SUMF1: variants seen among roughly 807,000 people sequenced by gnomAD.
SUMF1 encodes the protein sulfatase modifying factor 1.
In SUMF1, 48 loss-of-function variants were observed where a neutral mutation model predicts 47.6. The observed-to-expected ratio is 1.01, with a 90% confidence interval of 0.80 to 1.28. SUMF1 has a LOEUF of 1.28. Ranked by LOEUF, SUMF1 falls within the 50% of genes most tolerant of loss-of-function variation. The pLI, the probability that SUMF1 is intolerant of heterozygous loss-of-function variation, is 0.00. For missense variants in SUMF1, 571 were observed against 485.4 expected, an observed-to-expected ratio of 1.18 and a Z score of -1.66; for synonymous variants, 230 against 192.1, an observed-to-expected ratio of 1.20 and a Z score of -1.63.
chr3:4,222,535 G>T (rs1297984041), intron 8 of SUMF1, among the ~76,000 whole-genome samples: 2 of 152,004 alleles, frequency 1.3e-5, no homozygotes, highest in African/African-American at 4.8e-5. Flanking sequence ...GCTGTGTGTA[G>T]GGTTGGTTTG....
chr3:4,305,972 T>C (rs1211789630), intron 8 of SUMF1, among the ~76,000 whole-genome samples: 1 of 152,218 alleles, frequency 6.6e-6, no homozygotes, highest in Non-Finnish European at 1.5e-5. Context: ...TCAAAAACAC[T>C]GATTTAAAAA....
At chr3:4,125,003 C>G (rs1479686566) in intron 8 of SUMF1, among the ~76,000 whole-genome samples, 1 of 152,016 alleles carries the variant, frequency 6.6e-6, no homozygotes, top group Non-Finnish European at 1.5e-5. Context: ...CATTTAATTG[C>G]CTTAGGCCTA....
intron 8 of SUMF1, among the ~76,000 whole-genome samples, chr3:4,375,434 T>C (rs530905819): frequency 6.6e-6 from 1 of 152,062 alleles, no homozygotes; most frequent in Non-Finnish European, 1.5e-5. Context: ...CAAATCAGAA[T>C]GGGGGTGAGT....
At chr3:4,447,420 C>CTT (rs1012437190) in intron 3 of SUMF1, among the ~76,000 whole-genome samples, 1 of 152,126 alleles carries the variant, frequency 6.6e-6, no homozygotes, top group African/African-American at 2.4e-5. Context: ...CTAACTTAAT[C>CTT]AAGTCTTGAA....
intron 8 of SUMF1, among the ~76,000 whole-genome samples, chr3:4,343,150 T>C (rs771026570): frequency 6.6e-6 from 1 of 152,164 alleles, no homozygotes; most frequent in Non-Finnish European, 1.5e-5. Context: ...GACTATAACA[T>C]GGAGATGGGA....
At chr3:4,161,192 T>G (rs546755194) in intron 8 of SUMF1, among the ~76,000 whole-genome samples, 1 of 152,170 alleles carries the variant, frequency 6.6e-6, no homozygotes, top group Non-Finnish European at 1.5e-5. Context: ...GTCTCTCTCT[T>G]TGTGCTGTGC....
At chr3:4,093,761 TA>T (rs1692840122) in intron 8 of SUMF1, among the ~76,000 whole-genome samples, 1 of 152,196 alleles carries the variant, frequency 6.6e-6, no homozygotes, top group African/African-American at 2.4e-5. Context: ...TGACTAATTC[TA>T]AGGAAGAAGA....
intron 8 of SUMF1, among the ~76,000 whole-genome samples, chr3:4,113,122 T>C (rs1437743788): frequency 5.9e-5 from 9 of 152,084 alleles, no homozygotes; most frequent in Admixed American, 5.9e-4. Flanking sequence ...TTTTGTTGCA[T>C]GCATAGAATG....
At chr3:4,043,446 G>A (rs578028077) in intron 9 of SUMF1, among the ~76,000 whole-genome samples, 2 of 152,202 alleles carry the variant, frequency 1.3e-5, no homozygotes, top group African/African-American at 2.4e-5. Context: ...TTCACAGGCT[G>A]CCAAAAACTT....
intron 8 of SUMF1, among the ~76,000 whole-genome samples, chr3:4,230,765 C>G (rs1249980424): frequency 2.6e-5 from 4 of 152,114 alleles, no homozygotes; most frequent in Non-Finnish European, 5.9e-5. Flanking sequence ...AGCCCCCATT[C>G]TGAAGCTGTC....
intron 8 of SUMF1, among the ~76,000 whole-genome samples, chr3:4,149,437 C>T (rs1196780137): frequency 1.3e-5 from 2 of 152,110 alleles, no homozygotes; most frequent in Non-Finnish European, 2.9e-5. Flanking sequence ...CAGCCCTACT[C>T]AATCTACTCA....
At chr3:4,384,278 A>G (rs1455194269) in intron 7 of SUMF1, among the ~76,000 whole-genome samples, 1 of 152,222 alleles carries the variant, frequency 6.6e-6, no homozygotes, top group Non-Finnish European at 1.5e-5. Flanking sequence ...ATTATGGGTA[A>G]CCGTTGATTC....
intron 9 of SUMF1, among the ~76,000 whole-genome samples, chr3:4,066,939 C>T (rs1226139070): frequency 6.6e-6 from 1 of 152,160 alleles, no homozygotes; most frequent in Admixed American, 6.5e-5. Context: ...CTGCCCATTT[C>T]TCAACTGGAT....
In SUMF1 at chr3:4,259,027, A is replaced by G. The variant is rs866561515; in HGVS notation, c.1014+117303T>C. Among the ~76,000 whole-genome samples, 10 of 148,880 alleles carry G rather than the reference A, an allele frequency of 6.7e-5. 1 individual carries two copies. The highest frequency in any genetic ancestry group is 1.4e-4 in the Admixed American group (2 of 14,802). Reference sequence around the variant, plus strand: ...CTATCGCAAGAACAAAAAACCAAACACCGCATATTCTCACTCATAGGTGGG... The same window carrying G: ...CTATCGCAAGAACAAAAAACCAAACGCCGCATATTCTCACTCATAGGTGGG... On this transcript the variant is annotated intron_variant and NMD_transcript_variant, in intron 8 of 12. Transcript: ENST00000448413.
chr3:4,182,008 G>C (rs912786090), intron 8 of SUMF1, among the ~76,000 whole-genome samples: 7 of 152,130 alleles, frequency 4.6e-5, no homozygotes, highest in Non-Finnish European at 4.4e-5. Context: ...TTCATTGTTT[G>C]TTATAGTTCG....
chr3:4,151,309 G>C (rs1313984694), intron 8 of SUMF1, among the ~76,000 whole-genome samples: 2 of 148,482 alleles, frequency 1.3e-5, no homozygotes, highest in Non-Finnish European at 3.0e-5. Flanking sequence ...CTGCTAGTCT[G>C]GGGTGCTTCT....
intron 8 of SUMF1, among the ~76,000 whole-genome samples, chr3:4,311,732 A>C (rs912901620): frequency 1.3e-5 from 2 of 152,144 alleles, no homozygotes; most frequent in African/African-American, 4.8e-5. Flanking sequence ...TGTTTGTTCT[A>C]TTTCCCTTTC....
intron 8 of SUMF1, among the ~76,000 whole-genome samples, chr3:4,101,363 G>T (rs1313470820): frequency 6.6e-6 from 1 of 151,832 alleles, no homozygotes; most frequent in East Asian, 1.9e-4. Flanking sequence ...GAACCTAGAG[G>T]GCCTGCATTA....
intron 7 of SUMF1, among the ~76,000 whole-genome samples, chr3:4,406,308 A>G (rs1189455735): frequency 6.6e-6 from 1 of 152,194 alleles, no homozygotes; most frequent in Non-Finnish European, 1.5e-5. Context: ...GTCCTTTAAT[A>G]TTAAGTGGCA....
Sources: allele counts gnomAD v4.1 joint callset (sites outside exome capture counted in the v4.1 genomes callset), GRCh38; gene constraint gnomAD v4.1.1; transcripts MANE v1.5; gene names NCBI Gene and HGNC (gene_info 2026-07-23, HGNC 2026-07-21).